SERPINB9: variants seen among roughly 807,000 people sequenced by gnomAD.
The protein encoded by SERPINB9 is serpin family B member 9.
Under a neutral mutation model 27.2 loss-of-function variants are expected in SERPINB9, and 20 were observed. The observed-to-expected ratio is 0.74, with a 90% CI of 0.52 to 1.07. The LOEUF (loss-of-function observed/expected upper bound fraction) is 1.07. Among genes scored for constraint, SERPINB9 ranks in the 50% least tolerant of loss-of-function variants. The pLI is 0.00. For synonymous variants in SERPINB9, 189 were observed against 180.0 expected, an observed-to-expected ratio of 1.05 and a Z score of -0.40; for missense variants, 476 against 460.1, an observed-to-expected ratio of 1.03 and a Z score of -0.32.
chr6:2,900,893 A>T (rs895130464), intron 1 of SERPINB9, among the ~76,000 whole-genome samples: 2 of 149,006 alleles, frequency 1.3e-5, no homozygotes, highest in African/African-American at 2.6e-5. Context: ...TCTCACACAC[A>T]CACACACACA....
chr6:2,900,087 G>T, intron 2 of SERPINB9: 1 of 365,796 alleles, frequency 2.7e-6, no homozygotes, highest in Non-Finnish European at 5.3e-6. Context: ...TGAAAGTTTA[G>T]TTACAAAGTC....
In SERPINB9 at chr6:2,890,889, CAT is replaced by C. The variant is rs910543095; in HGVS notation, c.724-321_724-320del. 6.6e-6 allele frequency among the ~76,000 whole-genome samples: 1 copy of C among 151,918 alleles called. No individual in the cohort carries two copies. Among genetic ancestry groups the C allele is most frequent in the African/African-American group, 2.4e-5 (1 of 41,364 alleles). On this transcript the variant is annotated intron_variant, in intron 6 of 6. Coordinates refer to ENST00000380698, the MANE Select transcript of SERPINB9 (RefSeq NM_004155.6). The surrounding 1 kb of genome is among the most constrained non-coding windows in gnomAD (Gnocchi z 6.2). ...CAGGCGACTGTGTTTTTTTTTCAAA[CAT>C]AGTCTTTTTAAAGACAACAAACCAT...
At chr6:2,898,495 A>G (rs1006337173) in intron 2 of SERPINB9, among the ~76,000 whole-genome samples, 2 of 152,222 alleles carry the variant, frequency 1.3e-5, no homozygotes, top group African/African-American at 4.8e-5. Context: ...ATACCATATA[A>G]TCACCAAAGT....
chr6:2,892,074 G>A, intron 5 of SERPINB9, 86 bp from the exon 6 acceptor site: 17 of 815,992 alleles, frequency 2.1e-5, no homozygotes, highest in Non-Finnish European at 2.9e-5. Context: ...ACCTGTGATG[G>A]AAACCGCCAC....
Position 2,890,991 on chromosome 6 carries a change from T to A in SERPINB9, c.724-421A>T, listed in dbSNP as rs563366485. The stretch of plus-strand genomic sequence containing the variant: ...CTCCAACAGGATTATCTGTCCCAGG[T>A]GAGATTCTGCATAGTTTCCGGAGCA... On this transcript the variant is annotated intron_variant, in intron 6 of 6. Transcript: ENST00000380698. This position sits in a 1 kb window ranked among gnomAD's most constrained non-coding sequence, Gnocchi z 6.2. Among the ~76,000 whole-genome samples, 24 of 152,272 alleles carry A rather than the reference T, an allele frequency of 1.6e-4. 2 individuals are homozygous for A. In the South Asian group the frequency reaches 5.0e-3, roughly 32 times the overall value.
At position 2,888,497 on chromosome 6, in the gene SERPINB9, T is replaced by C. The variant is rs1409313628; in HGVS notation, c.*1666A>G. 1 of 152,240 alleles carries C rather than the reference T, an allele frequency of 6.6e-6. No individual in the cohort carries two copies. The highest frequency in any genetic ancestry group is 1.5e-5 in the Non-Finnish European group (1 of 68,042). 9.4% of individuals were successfully genotyped at this position (152,240 alleles called of 1,614,324 possible). A position where few individuals can be genotyped will look rare whatever the true frequency, so the allele number is the denominator to read the frequency against. ...CTATAAACACATAATACAATTTTAT[T>C]TGGCCATAAAAATGAAGTGTTGATA... On this transcript the variant is annotated 3_prime_UTR_variant, in exon 7 of 7. Coordinates refer to ENST00000380698, the MANE Select transcript of SERPINB9 (RefSeq NM_004155.6).
chr6:2,896,208 T>C lies in SERPINB9; in HGVS notation c.169-18A>G. On this transcript the variant is annotated intron_variant, in intron 2 of 6. Coordinates refer to ENST00000380698, the MANE Select transcript of SERPINB9 (RefSeq NM_004155.6). ...GACAGTGCCTGTTGTGAAAGATAAT[T>C]TTAAAAGTTATCAAGATAGCTCTTT... 6.2e-7 allele frequency: 1 copy of C among 1,610,750 alleles called. No homozygotes were observed. Among genetic ancestry groups the C allele is most frequent in the Admixed American group, 1.7e-5 (1 of 59,194 alleles).
chr6:2,895,495 G>T lies in SERPINB9; in HGVS notation c.320C>A (p.Ser107Tyr). The T allele has an allele frequency of 6.2e-7, 1 of 1,612,672 alleles. No homozygotes were observed. Among genetic ancestry groups the T allele is most frequent in the Non-Finnish European group, 8.5e-7 (1 of 1,179,160 alleles). Reference protein sequence around the residue: ...TCQFLSTFKESCLQFYHAELK... With the variant: ...TCQFLSTFKEYCLQFYHAELK... ...CTCAGCATGGTAGAATTGAAGACAGGATTCCTTAAACGTCTTTGGAGAGAA... is the reference window on the plus strand; with the variant it reads ...CTCAGCATGGTAGAATTGAAGACAGTATTCCTTAAACGTCTTTGGAGAGAA... Residue 107 changes from serine (S) to tyrosine (Y), a missense_variant, in exon 4 of 7, where the codon TCC becomes TAC. Ser to Tyr is a moderately radical substitution (Grantham distance 144). Coordinates refer to ENST00000380698, the MANE Select transcript of SERPINB9 (RefSeq NM_004155.6).
intron 5 of SERPINB9, among the ~76,000 whole-genome samples, chr6:2,892,676 T>C (rs999652062): frequency 6.6e-6 from 1 of 152,202 alleles, no homozygotes; most frequent in Non-Finnish European, 1.5e-5. Context: ...GTTAGAATTC[T>C]CCTCCTCCCA....
At chr6:2,898,786 C>T (rs1002104739) in intron 2 of SERPINB9, among the ~76,000 whole-genome samples, 3 of 151,412 alleles carry the variant, frequency 2.0e-5, no homozygotes, top group East Asian at 3.9e-4. Context: ...TGCACTCCAG[C>T]CTGGGCGACA....
chr6:2,898,475 A>T (rs1469825816), intron 2 of SERPINB9, among the ~76,000 whole-genome samples: 1 of 152,246 alleles, frequency 6.6e-6, no homozygotes, highest in South Asian at 2.1e-4. Context: ...AATCATTTAT[A>T]AAAGTAAAGA....
chr6:2,892,045 C>T, intron 5 of SERPINB9, 57 bp from the exon 6 acceptor site: 1 of 1,554,158 alleles, frequency 6.4e-7, no homozygotes, highest in South Asian at 1.1e-5. Context: ...CTGCAGTTGC[C>T]TCCAAGAGTG....
chr6:2,891,994 G>A lies in SERPINB9; in HGVS notation c.568-6C>T. On this transcript the variant is annotated splice_region_variant and splice_polypyrimidine_tract_variant and intron_variant, in intron 5 of 6. Coordinates refer to ENST00000380698, the MANE Select transcript of SERPINB9 (RefSeq NM_004155.6). The surrounding 1 kb of genome is among the most constrained non-coding windows in gnomAD (Gnocchi z 4.0). ...TGCACTGGCCTTTGCTCCTCCTGGGGGAAGGATTATTGAAAGACGCAATTA... is the reference window on the plus strand; with the variant it reads ...TGCACTGGCCTTTGCTCCTCCTGGGAGAAGGATTATTGAAAGACGCAATTA... The A allele has an allele frequency of 6.2e-7, 1 of 1,612,564 alleles. No individual in the cohort carries two copies. The highest frequency in any genetic ancestry group is 1.1e-5 in the South Asian group (1 of 91,002).
intron 2 of SERPINB9, chr6:2,900,018 C>T: frequency 2.2e-6 from 1 of 445,490 alleles, no homozygotes; most frequent in Non-Finnish European, 4.5e-6. Context: ...TCTGTTGATG[C>T]CCTCCCTGAG....
intron 2 of SERPINB9, among the ~76,000 whole-genome samples, chr6:2,896,410 G>A (rs780314057): frequency 1.3e-4 from 20 of 151,800 alleles, no homozygotes; most frequent in Non-Finnish European, 2.5e-4. Context: ...AAATATAAAT[G>A]TACCCTAAGT....
At position 2,891,816 on chromosome 6, in the gene SERPINB9, C is replaced by T. The variant is rs1767807999; in HGVS notation, c.723+17G>A. The stretch of plus-strand genomic sequence containing the variant: ...CGCAAAGGTGTCCCTGGGTTCTTCC[C>T]GCAGCCCGGGTCTTACCGTGCTGAG... On this transcript the variant is annotated intron_variant, in intron 6 of 6. Coordinates refer to ENST00000380698, the MANE Select transcript of SERPINB9 (RefSeq NM_004155.6). This position sits in a 1 kb window ranked among gnomAD's most constrained non-coding sequence, Gnocchi z 4.0. 3 of 1,570,840 alleles carry T rather than the reference C, an allele frequency of 1.9e-6. No homozygotes were observed. The highest frequency in any genetic ancestry group is 1.7e-6 in the Non-Finnish European group (2 of 1,164,712).
At chr6:2,897,742 A>C (rs1039978204) in intron 2 of SERPINB9, among the ~76,000 whole-genome samples, 2 of 152,220 alleles carry the variant, frequency 1.3e-5, no homozygotes, top group Admixed American at 6.5e-5. Flanking sequence ...AAACACACAT[A>C]CATACAAAAC....
rs1292166996 is a variant in SERPINB9, at chr6:2,891,926, G to C, written c.630C>G (p.Gly210=). The change falls in exon 6 of 7, where the codon GGC becomes GGG. Residue 210 remains glycine, a synonymous_variant. Transcript: ENST00000380698. The surrounding 1 kb of genome is among the most constrained non-coding windows in gnomAD (Gnocchi z 4.0). ...GCTCCAGCAGCTGCGCGCGCACCTC[G>C]CCCACGTGGGCGAGCTTAAACGTGG... ...QEATFKLAHV[G]EVRAQLLELP... is the part of the protein sequence containing the mutation. The C allele has an allele frequency of 1.2e-6, 2 of 1,613,010 alleles. No individual in the cohort carries two copies. The highest frequency in any genetic ancestry group is 2.2e-5 in the East Asian group (1 of 44,854).
At position 2,887,793 on chromosome 6, in the gene SERPINB9, G is replaced by A. The variant is rs557871929; in HGVS notation, c.*2370C>T. ...ATCCAGGAGGAGGAGGTTGCAGTGAGCCCAGATCATGCCACTACACTCCAG... is the reference window on the plus strand; with the variant it reads ...ATCCAGGAGGAGGAGGTTGCAGTGAACCCAGATCATGCCACTACACTCCAG... On this transcript the variant is annotated 3_prime_UTR_variant, in exon 7 of 7. Transcript: ENST00000380698. 9 of 142,184 alleles carry A rather than the reference G, an allele frequency of 6.3e-5. No homozygotes were observed. The South Asian group carries it at 2.0e-3, about 31-fold the overall frequency. The allele number at this position is 142,184 out of a possible 1,614,324, so 8.8% of individuals were successfully genotyped here.
Sources: allele counts gnomAD v4.1 joint callset (sites outside exome capture counted in the v4.1 genomes callset), GRCh38; gene constraint gnomAD v4.1.1; non-coding constraint Gnocchi (gnomAD v3.1); transcripts MANE v1.5; gene names NCBI Gene and HGNC (gene_info 2026-07-23, HGNC 2026-07-21).